DACH2: variants seen among roughly 807,000 people sequenced by gnomAD.
The protein encoded by DACH2 is dachshund family transcription factor 2, also known as dachshund homolog 2.
Under a neutral mutation model 35.8 loss-of-function variants are expected in DACH2, and 17 were observed. The observed-to-expected ratio is 0.48, with a 90% CI of 0.33 to 0.71. DACH2 has a LOEUF of 0.71. Ranked by LOEUF, DACH2 falls within the 30% of genes least tolerant of loss-of-function variation. The probability of loss-of-function intolerance (pLI) is 0.02; values close to 1 mark genes in which losing one functional copy is unlikely to be tolerated. For synonymous variants in DACH2, 195 were observed against 177.3 expected (o/e 1.10, Z -0.79); for missense variants, 469 against 472.7 (o/e 0.99, Z 0.07).
Position 86,162,078 on chromosome X carries a change from CT to C in DACH2, c.488+12980del, listed in dbSNP as rs1321256408. On this transcript the variant is annotated intron_variant, in intron 1 of 11. Coordinates refer to ENST00000373125, the MANE Select transcript of DACH2 (RefSeq NM_053281.3). ...GTGTATTCAGTTTGGTATTTTGTTT[CT>C]TTTTTTTTTATTTTTGTTTTTTTGT... is the stretch of plus-strand genomic sequence containing the variant. Among the ~76,000 whole-genome samples, 478 of 106,618 alleles carry C rather than the reference CT, an allele frequency of 4.5e-3. 1 individual carries two copies. The highest frequency in any genetic ancestry group is 0.015 in the African/African-American group (438 of 29,457). The allele number at this position is 106,618 out of a possible 115,157, so 92.6% of individuals were successfully genotyped here. A position where few individuals can be genotyped will look rare whatever the true frequency, so the allele number is the denominator to read the frequency against.
intron 9 of DACH2, among the ~76,000 whole-genome samples, chrX:86,814,300 A>G (rs1351534530): frequency 8.9e-6 from 1 of 112,484 alleles, no homozygotes; most frequent in African/African-American, 3.2e-5. Context: ...TATGAATAGT[A>G]ATCAGTAACC....
At chrX:86,763,654 G>A (rs977334801) in intron 7 of DACH2, among the ~76,000 whole-genome samples, 2 of 110,768 alleles carry the variant, frequency 1.8e-5, no homozygotes, top group Admixed American at 9.6e-5. Context: ...GGGTTTCACC[G>A]TGTTAGCCAG....
intron 1 of DACH2, among the ~76,000 whole-genome samples, chrX:86,252,673 G>A (rs1481953745): frequency 9.0e-6 from 1 of 110,742 alleles, no homozygotes; most frequent in Non-Finnish European, 1.9e-5. Flanking sequence ...GTTTATTTCT[G>A]GCTTCTCTAT....
chrX:86,541,777 C>T (rs1602626346), intron 3 of DACH2, among the ~76,000 whole-genome samples: 1 of 111,386 alleles, frequency 9.0e-6, no homozygotes, highest in African/African-American at 3.3e-5. Flanking sequence ...ACTCTTATTA[C>T]TCTGATTTTG....
chrX:86,477,684 C>A (rs750614444), intron 2 of DACH2, among the ~76,000 whole-genome samples: 82 of 110,456 alleles, frequency 7.4e-4, no homozygotes, highest in African/African-American at 2.6e-3. Context: ...TAAATAAGGA[C>A]TTACTCCTGC....
intron 7 of DACH2, among the ~76,000 whole-genome samples, chrX:86,777,359 G>GT (rs2042045295): frequency 9.0e-6 from 1 of 111,071 alleles, no homozygotes; most frequent in Admixed American, 9.6e-5. Context: ...ATTTTTTCAT[G>GT]TATCTGTTGG....
intron 2 of DACH2, among the ~76,000 whole-genome samples, chrX:86,411,330 C>CCGA (rs2036611393): frequency 9.2e-6 from 1 of 109,076 alleles, no homozygotes; most frequent in South Asian, 4.1e-4. Flanking sequence ...CCCCAGCCCA[C>CCGA]CGACTCAAAT....
chrX:86,693,037 A>G (rs912227123), intron 4 of DACH2, among the ~76,000 whole-genome samples: 3 of 112,517 alleles, frequency 2.7e-5, no homozygotes, highest in African/African-American at 9.7e-5. Context: ...ATGTCAATGC[A>G]CCAAACCATA....
chrX:86,253,866 T>C (rs1026549772), intron 1 of DACH2, among the ~76,000 whole-genome samples: 1 of 112,190 alleles, frequency 8.9e-6, no homozygotes, highest in Non-Finnish European at 1.9e-5. Flanking sequence ...AGGGCAATGA[T>C]GCCAGAAAGG....
intron 11 of DACH2, among the ~76,000 whole-genome samples, chrX:86,824,701 TCTA>T (rs1480482559): frequency 8.9e-6 from 1 of 111,989 alleles, no homozygotes; most frequent in Non-Finnish European, 1.9e-5. Flanking sequence ...TTCACAAATG[TCTA>T]AGTGCTCTTG....
intron 1 of DACH2, among the ~76,000 whole-genome samples, chrX:86,335,505 T>C (rs754651751): frequency 1.8e-5 from 2 of 111,619 alleles, no homozygotes; most frequent in African/African-American, 6.5e-5. Flanking sequence ...TTTTATTCTC[T>C]TTGTAGAAAT....
chrX:86,240,650 T>A (rs1450444069), intron 1 of DACH2, among the ~76,000 whole-genome samples: 2 of 108,981 alleles, frequency 1.8e-5, no homozygotes, highest in East Asian at 5.8e-4. Context: ...ATTTTTATAT[T>A]TTTTTTGTAG....
chrX:86,473,477 T>G (rs942085148), intron 2 of DACH2, among the ~76,000 whole-genome samples: 1 of 111,304 alleles, frequency 9.0e-6, no homozygotes, highest in Non-Finnish European at 1.9e-5. Flanking sequence ...TACTGTATTT[T>G]TATACCCATT....
chrX:86,754,801 A>C (rs2041810790), intron 7 of DACH2, among the ~76,000 whole-genome samples: 1 of 112,078 alleles, frequency 8.9e-6, no homozygotes, highest in Non-Finnish European at 1.9e-5. Flanking sequence ...TGTGTATTAT[A>C]GCACATTTTC....
At chrX:86,339,832 T>C (rs2148059338) in intron 1 of DACH2, among the ~76,000 whole-genome samples, 1 of 112,179 alleles carries the variant, frequency 8.9e-6, no homozygotes, top group African/African-American at 3.2e-5. Flanking sequence ...GCATATCCAC[T>C]ATAAATTCAA....
chrX:86,772,673 G>A (rs2041997681), intron 7 of DACH2, among the ~76,000 whole-genome samples: 1 of 111,348 alleles, frequency 9.0e-6, no homozygotes. Context: ...AAAATGCATT[G>A]TCAGAGTTAT....
intron 1 of DACH2, among the ~76,000 whole-genome samples, chrX:86,266,820 C>A: frequency 9.3e-6 from 1 of 108,042 alleles, no homozygotes; most frequent in East Asian, 2.8e-4. Flanking sequence ...CATAGCAGTG[C>A]CATGTAACTA....
chrX:86,803,711 G>GA (rs1252604096), intron 7 of DACH2, among the ~76,000 whole-genome samples: 1 of 109,598 alleles, frequency 9.1e-6, no homozygotes, highest in Non-Finnish European at 1.9e-5. Context: ...ATAAAAATCA[G>GA]AAAAAAGTCA....
At chrX:86,501,127 G>T (rs1311710786) in intron 2 of DACH2, among the ~76,000 whole-genome samples, 1 of 112,242 alleles carries the variant, frequency 8.9e-6, no homozygotes, top group East Asian at 2.8e-4. Context: ...CTAAATGCTT[G>T]CTTAACACCT....
Sources: gnomAD v4.1 joint callset for allele counts (sites outside exome capture counted in the v4.1 genomes callset) on GRCh38, gnomAD v4.1.1 for gene constraint, MANE v1.5 for transcripts, NCBI Gene and HGNC (gene_info 2026-07-23, HGNC 2026-07-21) for gene names.